Variants in TOPBP1 observed in about 807,000 individuals in gnomAD.
The protein encoded by TOPBP1 is DNA topoisomerase 2-binding protein 1.
In TOPBP1, 28 loss-of-function variants were observed where a neutral mutation model predicts 167.7. The ratio of observed to expected loss-of-function variants is 0.17; its 90% CI spans 0.12 to 0.23. The LOEUF (loss-of-function observed/expected upper bound fraction) is 0.23. TOPBP1 is among the 10% of genes least tolerant of loss of function. TOPBP1 has a pLI of 1.00. For missense variants in TOPBP1, 1,554 were observed against 1,809.6 expected (o/e 0.86, Z 2.56); for synonymous variants, 598 against 611.4 (o/e 0.98, Z 0.32).
At chr3:133,649,237 GAA>G in intron 10 of TOPBP1, 144 bp downstream of exon 10, 1 of 1,124,038 alleles carries the variant, frequency 8.9e-7, no homozygotes, top group South Asian at 1.7e-5. Context: ...TGCCTGCTCA[GAA>G]AAAAAGTTAT....
intron 3 of TOPBP1, among the ~76,000 whole-genome samples, chr3:133,658,700 AGGAGGC>A (rs1936572150): frequency 1.3e-5 from 2 of 152,146 alleles, no homozygotes; most frequent in South Asian, 4.1e-4. Flanking sequence ...CCAGCTACTC[AGGAGGC>A]TAAGGCACAA....
chr3:133,642,702 T>C (rs1459849422), intron 12 of TOPBP1, among the ~76,000 whole-genome samples: 1 of 152,230 alleles, frequency 6.6e-6, no homozygotes, highest in Non-Finnish European at 1.5e-5. Flanking sequence ...ATTCTTTCAT[T>C]CATTAGGGGT....
At chr3:133,608,818 T>C (rs1241520223) in intron 26 of TOPBP1, 55 bp downstream of exon 26, 6 of 1,575,508 alleles carry the variant, frequency 3.8e-6, no homozygotes. Context: ...ATCATAGCAA[T>C]CTTGGTTAGA....
intron 14 of TOPBP1, among the ~76,000 whole-genome samples, chr3:133,631,702 G>A (rs938961974): frequency 1.3e-5 from 2 of 152,056 alleles, no homozygotes; most frequent in Non-Finnish European, 1.5e-5. Context: ...GCTGTGGCGC[G>A]ACCTTGGTGC....
chr3:133,628,399 G>T lies in TOPBP1; in HGVS notation c.2767C>A (p.Leu923Ile), dbSNP rs1288679348. 6.2e-7 allele frequency: 1 copy of T among 1,608,230 alleles called. No homozygotes were observed. Among genetic ancestry groups the T allele is most frequent in the African/African-American group, 1.3e-5 (1 of 74,886 alleles). ...SKKLSKKQSELNGIAASLGAD... is the reference protein window; with the variant it reads ...SKKLSKKQSEINGIAASLGAD... ...CCTAGAGAGGCTGCGATCCCATTTA[G>T]TTCACTCTGCTTCTTACTGAGTTTT... is the stretch of plus-strand genomic sequence containing the variant. Residue 923 changes from leucine to isoleucine, a missense_variant, in exon 16 of 28, where the codon CTA becomes ATA. This residue lies in a region of TOPBP1 where 1,197 missense variants were observed against 1,351.5 expected (regional missense o/e 0.89). Transcript: ENST00000260810.
chr3:133,658,905 T>C lies in TOPBP1; in HGVS notation c.219+111A>G, dbSNP rs1936581474. The C allele has an allele frequency of 6.0e-6, 7 of 1,165,534 alleles. No individual in the cohort carries two copies. The South Asian group carries it at 8.2e-5, about 14-fold the overall frequency. The allele number at this position is 1,165,534 out of a possible 1,614,324, so 72.2% of individuals were successfully genotyped here. Reference sequence around the variant, plus strand: ...TCTTGCCAAACCAAAAGAATTCCAATGTACTCATAAGTTGCATAGTACTTT... The same window carrying C: ...TCTTGCCAAACCAAAAGAATTCCAACGTACTCATAAGTTGCATAGTACTTT... On this transcript the variant is annotated intron_variant, in intron 3 of 27. Coordinates refer to ENST00000260810, the MANE Select transcript of TOPBP1 (RefSeq NM_007027.4).
At chr3:133,613,909 C>T (rs1328800766) in intron 23 of TOPBP1, among the ~76,000 whole-genome samples, 1 of 151,554 alleles carries the variant, frequency 6.6e-6, no homozygotes, top group East Asian at 1.9e-4. Flanking sequence ...TTCTCTGCCT[C>T]AGCCTTCTGA....
At chr3:133,637,817 G>A (rs1935728330) in intron 14 of TOPBP1, 59 bp downstream of exon 14, 1 of 1,563,510 alleles carries the variant, frequency 6.4e-7, no homozygotes, top group Admixed American at 1.9e-5. Flanking sequence ...CAAATTTGGT[G>A]CTTTAACTTT....
At chr3:133,653,143 C>T (rs1936358158) in intron 7 of TOPBP1, among the ~76,000 whole-genome samples, 1 of 152,166 alleles carries the variant, frequency 6.6e-6, no homozygotes, top group Non-Finnish European at 1.5e-5. Flanking sequence ...GTATAAAAGA[C>T]AGCATTCATT....
At chr3:133,643,070 G>A in intron 12 of TOPBP1, 130 bp downstream of exon 12, 1 of 816,922 alleles carries the variant, frequency 1.2e-6, no homozygotes, top group South Asian at 3.7e-5. Context: ...TGGGAGTGGA[G>A]AAGGAACCAC....
chr3:133,629,177 A>C (rs992694384), intron 14 of TOPBP1, among the ~76,000 whole-genome samples: 2 of 152,220 alleles, frequency 1.3e-5, no homozygotes, highest in African/African-American at 4.8e-5. Flanking sequence ...AAAAATCTTC[A>C]AAAGTTCAAA....
At chr3:133,620,044 A>T in intron 20 of TOPBP1, 111 bp downstream of exon 20, 1 of 1,220,800 alleles carries the variant, frequency 8.2e-7, no homozygotes, top group Non-Finnish European at 1.1e-6. Context: ...TGGGGAAAAA[A>T]AGAAAAAAAA....
intron 14 of TOPBP1, among the ~76,000 whole-genome samples, chr3:133,631,942 T>C (rs1047206728): frequency 2.0e-5 from 3 of 151,732 alleles, no homozygotes; most frequent in African/African-American, 7.3e-5. Flanking sequence ...CTGGCTGATA[T>C]CCAGTTGTTT....
intron 1 of TOPBP1, among the ~76,000 whole-genome samples, 154 bp from the exon 2 acceptor site, chr3:133,661,288 C>G (rs1936704428): frequency 6.6e-6 from 1 of 152,326 alleles, no homozygotes; most frequent in South Asian, 2.1e-4. Flanking sequence ...CTAAGAAATC[C>G]TGGAACTTGG....
chr3:133,626,470 G>T (rs533842028), intron 16 of TOPBP1, among the ~76,000 whole-genome samples: 10 of 152,060 alleles, frequency 6.6e-5, no homozygotes, highest in Non-Finnish European at 1.5e-4. Flanking sequence ...ACAAATTCAC[G>T]TATGTAAAAA....
At chr3:133,624,433 C>CA (rs1935201049) in intron 16 of TOPBP1, among the ~76,000 whole-genome samples, 1 of 152,098 alleles carries the variant, frequency 6.6e-6, no homozygotes, top group South Asian at 2.1e-4. Flanking sequence ...TGTGAACAGA[C>CA]ACTGCACTTC....
chr3:133,636,762 G>A (rs189570650), intron 14 of TOPBP1, among the ~76,000 whole-genome samples: 3 of 152,256 alleles, frequency 2.0e-5, no homozygotes, highest in East Asian at 3.9e-4. Context: ...TAATGAAGCC[G>A]AAAGAGGTTG....
intron 14 of TOPBP1, among the ~76,000 whole-genome samples, chr3:133,632,491 T>C (rs190695012): frequency 1.3e-3 from 195 of 152,362 alleles, no homozygotes; most frequent in Non-Finnish European, 2.1e-3. Flanking sequence ...TACACCTTTA[T>C]AGATCTTGAC....
intron 16 of TOPBP1, 56 bp downstream of exon 16, chr3:133,628,306 G>T: frequency 6.9e-7 from 1 of 1,455,514 alleles, no homozygotes; most frequent in South Asian, 1.2e-5. Flanking sequence ...AATAGCTTTA[G>T]GTTTCCTTAT....
Sources: gnomAD v4.1 joint callset for allele counts (sites outside exome capture counted in the v4.1 genomes callset) on GRCh38, gnomAD v4.1.1 for gene constraint, gnomAD v4.1.1 regional missense constraint, MANE v1.5 for transcripts, NCBI Gene and HGNC (gene_info 2026-07-23, HGNC 2026-07-21) for gene names.